Variants in SCFD2 observed in about 807,000 individuals in gnomAD.
SCFD2 encodes sec1 family domain-containing protein 2.
SCFD2 carries 54 observed loss-of-function variants against 58.9 expected under a neutral mutation model. That is an observed-to-expected ratio of 0.92 (90% CI 0.74 to 1.15). SCFD2 has a LOEUF of 1.15. SCFD2 is among the 50% of genes most tolerant of loss of function. SCFD2 has a pLI of 0.00. For synonymous variants in SCFD2, 321 were observed against 335.9 expected, an observed-to-expected ratio of 0.96 and a Z score of 0.49; for missense variants, 805 against 836.6, an observed-to-expected ratio of 0.96 and a Z score of 0.47.
intron 6 of SCFD2, among the ~76,000 whole-genome samples, chr4:52,918,270 T>C (rs1719654176): frequency 6.6e-6 from 1 of 152,212 alleles, no homozygotes; most frequent in Non-Finnish European, 1.5e-5. Context: ...GTCTGGACAC[T>C]TGTACTTTCC....
At chr4:53,316,808 T>C (rs765758574) in intron 2 of SCFD2, among the ~76,000 whole-genome samples, 13 of 152,140 alleles carry the variant, frequency 8.5e-5, no homozygotes, top group Non-Finnish European at 1.5e-4. Context: ...AAAATTGTTT[T>C]GCTGATATAA....
intron 5 of SCFD2, among the ~76,000 whole-genome samples, chr4:52,964,614 T>C (rs975043315): frequency 6.6e-6 from 1 of 152,138 alleles, no homozygotes; most frequent in East Asian, 1.9e-4. Context: ...GGGTTTGCAA[T>C]GTCAAGACAA....
intron 4 of SCFD2, among the ~76,000 whole-genome samples, chr4:53,258,540 A>G (rs13128531): frequency 0.022 from 256 of 11,618 alleles, 1 homozygote; most frequent in South Asian, 0.078. Context: ...GTGTGTGTGT[A>G]TATATATATA....
intron 5 of SCFD2, among the ~76,000 whole-genome samples, chr4:53,137,349 G>T (rs552565092): frequency 6.6e-6 from 1 of 152,224 alleles, no homozygotes; most frequent in Admixed American, 6.5e-5. Flanking sequence ...AGCATCCAGC[G>T]CATGACCATG....
intron 5 of SCFD2, among the ~76,000 whole-genome samples, chr4:52,973,207 CA>C (rs1317560110): frequency 2.0e-4 from 30 of 151,954 alleles, no homozygotes; most frequent in African/African-American, 4.8e-4. Context: ...AAAAACCCTT[CA>C]AAAAAATCAA....
intron 5 of SCFD2, among the ~76,000 whole-genome samples, chr4:52,972,940 G>A (rs1266758701): frequency 6.6e-6 from 1 of 152,134 alleles, no homozygotes; most frequent in Non-Finnish European, 1.5e-5. Flanking sequence ...CAAAATGAAG[G>A]CAGAAATAAA....
intron 5 of SCFD2, among the ~76,000 whole-genome samples, chr4:53,014,375 A>T (rs1722163521): frequency 6.6e-6 from 1 of 152,234 alleles, no homozygotes; most frequent in South Asian, 2.1e-4. Context: ...TTCACTGGCC[A>T]CACCTAAAAT....
At chr4:52,953,413 G>C (rs1240951875) in intron 5 of SCFD2, among the ~76,000 whole-genome samples, 1 of 152,180 alleles carries the variant, frequency 6.6e-6, no homozygotes, top group Non-Finnish European at 1.5e-5. Flanking sequence ...CTACAAGATA[G>C]ACAAGTTCAC....
chr4:53,238,555 C>G (rs1343817207), intron 4 of SCFD2, among the ~76,000 whole-genome samples: 15 of 151,984 alleles, frequency 9.9e-5, no homozygotes, highest in African/African-American at 3.6e-4. Context: ...ACGCTCCTCA[C>G]TTCCCAGATG....
intron 5 of SCFD2, among the ~76,000 whole-genome samples, chr4:53,016,186 A>C (rs531064478): frequency 5.2e-5 from 8 of 152,384 alleles, no homozygotes; most frequent in East Asian, 1.9e-4. Context: ...AGCTCTCAGA[A>C]TAATGAGAAC....
At chr4:53,238,200 C>T (rs1729734962) in intron 4 of SCFD2, among the ~76,000 whole-genome samples, 2 of 143,386 alleles carry the variant, frequency 1.4e-5, no homozygotes, top group African/African-American at 5.1e-5. Flanking sequence ...CACCTCCCTC[C>T]CGGACGGGGC....
intron 4 of SCFD2, among the ~76,000 whole-genome samples, chr4:53,245,004 T>C (rs1730021837): frequency 6.6e-6 from 1 of 151,412 alleles, no homozygotes; most frequent in African/African-American, 2.4e-5. Context: ...CCAGAAAATC[T>C]AAAAGAAATA....
chr4:53,299,964 G>A (rs1286252679), intron 3 of SCFD2, among the ~76,000 whole-genome samples: 3 of 152,100 alleles, frequency 2.0e-5, no homozygotes, highest in Non-Finnish European at 4.4e-5. Flanking sequence ...AACATGGAAA[G>A]GAACAACTGG....
intron 4 of SCFD2, among the ~76,000 whole-genome samples, chr4:53,152,926 A>C (rs1038998620): frequency 1.3e-5 from 2 of 152,310 alleles, no homozygotes; most frequent in East Asian, 3.9e-4. Context: ...CTTTGACTCT[A>C]TGTCTCACAT....
In SCFD2 at chr4:53,283,913, C is replaced by T. The variant is rs181348487; in HGVS notation, c.1136-9912G>A. Among the ~76,000 whole-genome samples the T allele has an allele frequency of 5.8e-3, 886 of 151,818 alleles. 10 individuals are homozygous for T. Among genetic ancestry groups the T allele is most frequent in the Non-Finnish European group, 7.4e-3 (503 of 67,944 alleles). ...TGGGCGGATCACAAGGTCAGGAGAT[C>T]GAGACCATCCTGGTTAACACAGTGA... On this transcript the variant is annotated intron_variant, in intron 3 of 8. Coordinates refer to ENST00000401642, the MANE Select transcript of SCFD2 (RefSeq NM_152540.4).
chr4:52,896,655 G>C (rs1719023169), intron 7 of SCFD2, among the ~76,000 whole-genome samples: 2 of 152,246 alleles, frequency 1.3e-5, no homozygotes, highest in Admixed American at 1.3e-4. Context: ...CTCTTTTTTG[G>C]TTCCATATGA....
chr4:53,136,962 T>C (rs551310856), intron 5 of SCFD2, among the ~76,000 whole-genome samples: 3 of 152,232 alleles, frequency 2.0e-5, no homozygotes, highest in Non-Finnish European at 4.4e-5. Flanking sequence ...ATATTATAAC[T>C]GTAATATTAA....
intron 7 of SCFD2, among the ~76,000 whole-genome samples, chr4:52,903,376 C>T (rs1272289704): frequency 6.6e-6 from 1 of 152,146 alleles, no homozygotes; most frequent in Non-Finnish European, 1.5e-5. Context: ...GGGTCAGGGC[C>T]TCCTTTGAGG....
chr4:52,874,100 G>A, intron 8 of SCFD2, 39 bp from the exon 9 acceptor site: 1 of 1,346,084 alleles, frequency 7.4e-7, no homozygotes, highest in Non-Finnish European at 1.1e-6. Flanking sequence ...CAGGGAATTA[G>A]GGGGGCCAAT....
Sources: gnomAD v4.1 joint callset for allele counts (sites outside exome capture counted in the v4.1 genomes callset) on GRCh38, gnomAD v4.1.1 for gene constraint, MANE v1.5 for transcripts, NCBI Gene and HGNC (gene_info 2026-07-23, HGNC 2026-07-21) for gene names.